The following FNBP1 variants were observed in gnomAD, a reference collection of about 807,000 sequenced individuals.
FNBP1 encodes formin-binding protein 1.
Under a neutral mutation model 90.6 loss-of-function variants are expected in FNBP1, and 26 were observed. The ratio of observed to expected loss-of-function variants is 0.29; its 90% CI spans 0.21 to 0.40. FNBP1 has a LOEUF of 0.40. Ranked by LOEUF, FNBP1 falls within the 10% of genes least tolerant of loss-of-function variation. The pLI is 1.00. For synonymous variants in FNBP1, 260 were observed against 265.2 expected (o/e 0.98, Z 0.19); for missense variants, 635 against 768.0 (o/e 0.83, Z 2.05).
intron 1 of FNBP1, among the ~76,000 whole-genome samples, chr9:130,020,702 A>G (rs1033773436): frequency 6.6e-6 from 1 of 152,212 alleles, no homozygotes. Flanking sequence ...ACGCCAACTC[A>G]GCGGAGACAC....
chr9:130,037,907 TAC>T (rs1182465397), intron 1 of FNBP1, among the ~76,000 whole-genome samples: 2 of 152,190 alleles, frequency 1.3e-5, no homozygotes, highest in Non-Finnish European at 2.9e-5. Context: ...ATTGAACTCC[TAC>T]ACAGAGTCAG....
intron 1 of FNBP1, among the ~76,000 whole-genome samples, chr9:130,030,800 G>T (rs554853921): frequency 6.6e-6 from 1 of 152,234 alleles, no homozygotes; most frequent in East Asian, 1.9e-4. Flanking sequence ...AACAGGCTTG[G>T]GAATTAGGTT....
intron 8 of FNBP1, among the ~76,000 whole-genome samples, chr9:129,926,919 A>G (rs1336898602): frequency 6.6e-6 from 1 of 151,902 alleles, no homozygotes; most frequent in Non-Finnish European, 1.5e-5. Context: ...AAGAAAAAGA[A>G]AAAGAGAAAG....
intron 10 of FNBP1, among the ~76,000 whole-genome samples, chr9:129,916,681 T>C (rs1011643016): frequency 1.3e-5 from 2 of 151,274 alleles, no homozygotes; most frequent in African/African-American, 2.4e-5. Flanking sequence ...AAATTTCCCA[T>C]GGAAAGTTTT....
At chr9:129,955,201 GA>G (rs1267744936) in intron 6 of FNBP1, among the ~76,000 whole-genome samples, 1 of 150,750 alleles carries the variant, frequency 6.6e-6, no homozygotes, top group Non-Finnish European at 1.5e-5. Context: ...CATCTCTACA[GA>G]AAAAAACAGA....
intron 1 of FNBP1, among the ~76,000 whole-genome samples, chr9:130,003,149 C>T (rs2055114113): frequency 6.6e-6 from 1 of 151,654 alleles, no homozygotes; most frequent in Non-Finnish European, 1.5e-5. Flanking sequence ...CTTGCCCTCA[C>T]AAATCTGTAA....
rs1446629877 is a variant in FNBP1 at position 130,042,472 on chromosome 9, C to A, written c.24+480G>T. Among the ~76,000 whole-genome samples the A allele has an allele frequency of 1.3e-5, 2 of 151,980 alleles. No homozygotes were observed. The highest frequency in any genetic ancestry group is 2.9e-5 in the Non-Finnish European group (2 of 67,952). ...ACCCGACCCCCGGCGCTCGCCCCGG[C>A]CGCCCCGCTCCCGGGGAAGTGCCCG... On this transcript the variant is annotated intron_variant, in intron 1 of 16. Coordinates refer to ENST00000446176, the MANE Select transcript of FNBP1 (RefSeq NM_015033.3). The surrounding 1 kb of genome is among the most constrained non-coding windows in gnomAD (Gnocchi z 5.5).
In FNBP1 at chr9:129,966,659, G is replaced by A. The variant is rs2048684312; in HGVS notation, c.346-8106C>T. Among the ~76,000 whole-genome samples the A allele has an allele frequency of 6.6e-6, 1 of 152,112 alleles. No homozygotes were observed. On this transcript the variant is annotated intron_variant, in intron 4 of 16. Transcript: ENST00000446176. The surrounding 1 kb of genome is among the most constrained non-coding windows in gnomAD (Gnocchi z 4.3). ...AGGCAGGAGAATTGCTTGAACCTGG[G>A]TGACGGAGGTTGCAGTGAGCTGAGA... is the stretch of plus-strand genomic sequence containing the variant.
intron 4 of FNBP1, among the ~76,000 whole-genome samples, chr9:129,975,626 G>A (rs2050179038): frequency 1.3e-5 from 2 of 152,074 alleles, no homozygotes; most frequent in African/African-American, 2.4e-5. Flanking sequence ...ATACGAGGGG[G>A]CACGGTGGCT....
Position 129,958,538 on chromosome 9 carries a change from G to C in FNBP1, c.361C>G (p.Arg121Gly), listed in dbSNP as rs993834977. Reference sequence around the variant, plus strand: ...GTCTCGATGTGCTGCTGTGCTTTACGGCCATCGTGAAAGTTCTGCAAAGGG... The same window carrying C: ...GTCTCGATGTGCTGCTGTGCTTTACCGCCATCGTGAAAGTTCTGCAAAGGG... The part of the protein sequence containing the change: ...QERKSNFHDG[R>G]KAQQHIETCW... Residue 121 changes from arginine (R) to glycine (G), a missense_variant, in exon 5 of 17, where the codon CGT (arginine) becomes GGT (glycine). Transcript: ENST00000446176. The C allele has an allele frequency of 6.3e-7, 1 of 1,595,862 alleles. No individual in the cohort carries two copies. Among genetic ancestry groups the C allele is most frequent in the Non-Finnish European group, 8.5e-7 (1 of 1,170,374 alleles).
At chr9:129,964,401 G>A (rs1348953604) in intron 4 of FNBP1, among the ~76,000 whole-genome samples, 1 of 152,054 alleles carries the variant, frequency 6.6e-6, no homozygotes, top group Non-Finnish European at 1.5e-5. Context: ...GTCATAAGAT[G>A]CTTTTAGTTT....
rs1199029888 is a variant in FNBP1 at position 129,965,706 on chromosome 9, G to GCTCACA, written c.346-7154_346-7153insTGTGAG. Among the ~76,000 whole-genome samples the GCTCACA allele has an allele frequency of 3.1e-3, 342 of 110,962 alleles. 1 individual carries two copies. The highest frequency in any genetic ancestry group is 5.1e-3 in the Admixed American group (49 of 9,700). 72.8% of individuals were successfully genotyped at this position (110,962 alleles called of 152,430 possible). A position where few individuals can be genotyped will look rare whatever the true frequency, so the allele number is the denominator to read the frequency against. ...AAAACACACACACACACGCGCGCGC[G>GCTCACA]CGCACACACACACACACATAGAAAG... is the stretch of plus-strand genomic sequence containing the variant. On this transcript the variant is annotated intron_variant, in intron 4 of 16. Transcript: ENST00000446176.
Position 129,895,890 on chromosome 9 carries a change from C to G in FNBP1, c.1794G>C (p.Glu598Asp). ...WTRIRRNEDE[E>D]GYVPTSYVEV... The stretch of plus-strand genomic sequence containing the variant: ...CGACATATGAAGTGGGGACATAACC[C>G]TCTTCATCTTCATTTCTCCGAATGC... Residue 598 changes from glutamate (E) to aspartate (D), a missense_variant, in exon 16 of 17, where the codon GAG becomes GAC. Coordinates refer to ENST00000446176, the MANE Select transcript of FNBP1 (RefSeq NM_015033.3). The G allele has an allele frequency of 2.5e-6, 4 of 1,613,690 alleles. No homozygotes were observed. The highest frequency in any genetic ancestry group is 3.4e-6 in the Non-Finnish European group (4 of 1,179,814).
chr9:129,994,781 A>T, intron 2 of FNBP1, 62 bp downstream of exon 2: 1 of 751,694 alleles, frequency 1.3e-6, no homozygotes, highest in Non-Finnish European at 2.3e-6. Context: ...GTAAAATGAG[A>T]ATATACGTTA....
intron 16 of FNBP1, chr9:129,895,178 G>C (rs1401709142): frequency 1.2e-6 from 1 of 802,220 alleles, no homozygotes; most frequent in Non-Finnish European, 1.6e-6. Flanking sequence ...ATTTCAGCTG[G>C]TTGTCTGGGA....
intron 1 of FNBP1, 71 bp from the exon 2 acceptor site, chr9:129,995,029 C>G: frequency 1.3e-6 from 1 of 779,076 alleles, no homozygotes; most frequent in Non-Finnish European, 2.2e-6. Flanking sequence ...GAATAATTCT[C>G]TTAACAACAT....
At chr9:129,911,746 C>T (rs2039317325) in intron 11 of FNBP1, among the ~76,000 whole-genome samples, 1 of 152,044 alleles carries the variant, frequency 6.6e-6, no homozygotes, top group Non-Finnish European at 1.5e-5. Context: ...GCCTGACCAA[C>T]ATAGAGAAAC....
At chr9:129,923,709 T>TTG in intron 10 of FNBP1, 135 bp downstream of exon 10, 1 of 1,065,128 alleles carries the variant, frequency 9.4e-7, no homozygotes, top group Non-Finnish European at 1.3e-6. Context: ...ATAATGGTTT[T>TTG]TGTTTTTTTT....
chr9:129,982,287 A>G lies in FNBP1; in HGVS notation c.141-2913T>C, dbSNP rs553039873. On this transcript the variant is annotated intron_variant, in intron 2 of 16. Coordinates refer to ENST00000446176, the MANE Select transcript of FNBP1 (RefSeq NM_015033.3). Reference sequence around the variant, plus strand: ...GGAGTTCGAGACCAGCCTGACCAACATGGTGAAATCCTGTCTCTACTAAAA... The same window carrying G: ...GGAGTTCGAGACCAGCCTGACCAACGTGGTGAAATCCTGTCTCTACTAAAA... Among the ~76,000 whole-genome samples, 5 of 152,286 alleles carry G rather than the reference A, an allele frequency of 3.3e-5. No individual in the cohort carries two copies. In the South Asian group the frequency reaches 8.3e-4, roughly 25 times the overall value.
Sources: gnomAD v4.1 joint callset for allele counts (sites outside exome capture counted in the v4.1 genomes callset) on GRCh38, gnomAD v4.1.1 for gene constraint, Gnocchi (gnomAD v3.1) non-coding constraint, MANE v1.5 for transcripts, NCBI Gene and HGNC (gene_info 2026-07-23, HGNC 2026-07-21) for gene names.